The following MCM3AP variants were observed in gnomAD, a reference collection of about 807,000 sequenced individuals.
MCM3AP encodes germinal-center associated nuclear protein.
MCM3AP carries 126 observed loss-of-function variants against 184.1 expected under a neutral mutation model. That is an observed-to-expected ratio of 0.68 (90% confidence interval 0.59 to 0.79). The LOEUF (loss-of-function observed/expected upper bound fraction) is 0.79. Ranked by LOEUF, MCM3AP falls within the 30% of genes least tolerant of loss-of-function variation. The pLI is 0.00. For missense variants in MCM3AP, 2,496 were observed against 2,479.2 expected, an observed-to-expected ratio of 1.01 and a Z score of -0.14; for synonymous variants, 1,002 against 979.3, an observed-to-expected ratio of 1.02 and a Z score of -0.43.
In MCM3AP at chr21:46,237,643, C is replaced by T. The variant is rs565407790; in HGVS notation, c.5634-664G>A. Among the ~76,000 whole-genome samples, 16 of 116,514 alleles carry T rather than the reference C, an allele frequency of 1.4e-4. 6 individuals carry two copies. Among genetic ancestry groups the T allele is most frequent in the African/African-American group, 5.6e-4 (16 of 28,676 alleles). The allele number at this position is 116,514 out of a possible 152,430, so 76.4% of individuals were successfully genotyped here. A position where few individuals can be genotyped will look rare whatever the true frequency, so the allele number is the denominator to read the frequency against. Reference sequence around the variant, plus strand: ...AACTCCTGAACTCAAGTGATGTGCACACCTCAGCCTCCCAAAGTGCTGGGA... The same window carrying T: ...AACTCCTGAACTCAAGTGATGTGCATACCTCAGCCTCCCAAAGTGCTGGGA... On this transcript the variant is annotated intron_variant, in intron 26 of 27. Coordinates refer to ENST00000291688, the MANE Select transcript of MCM3AP (RefSeq NM_003906.5).
Position 46,245,093 on chromosome 21 carries a change from A to G in MCM3AP, c.4752T>C (p.Phe1584=). Residue 1584 remains phenylalanine (F), a synonymous_variant, in exon 23 of 28, where the codon TTT becomes TTC. Transcript: ENST00000291688. ...TTCTGTCATGGAAAAAGCGGCCACT[A>G]AACTCATGGCCAATCCCGTCTTCGA... ...QYVEDGIGHE[F]SGRFFHDRRE... is the part of the protein sequence containing the mutation. 2 of 1,614,262 alleles carry G rather than the reference A, an allele frequency of 1.2e-6. No individual in the cohort carries two copies. Among genetic ancestry groups the G allele is most frequent in the South Asian group, 2.2e-5 (2 of 91,084 alleles).
At position 46,258,939 on chromosome 21, in the gene MCM3AP, C is replaced by A; in HGVS notation, c.3734G>T (p.Arg1245Leu). 1 of 1,614,072 alleles carries A rather than the reference C, an allele frequency of 6.2e-7. No individual in the cohort carries two copies. The highest frequency in any genetic ancestry group is 8.5e-7 in the Non-Finnish European group (1 of 1,180,000). ...TTGCCTGTAGGAACACAGGACTCAC[C>A]GCTGTAGATACTTGCAGAAGCACTG... is the stretch of plus-strand genomic sequence containing the variant. ...ELQCFCKYLQ[R>L]WREAVTARKK... Residue 1245 changes from arginine to leucine, a missense_variant and splice_region_variant, in exon 16 of 28, where the codon CGG becomes CTG. This residue lies in a region of MCM3AP where 1,323 missense variants were observed against 1,273.4 expected (regional missense o/e 1.04). Coordinates refer to ENST00000291688, the MANE Select transcript of MCM3AP (RefSeq NM_003906.5).
chr21:46,280,366 A>T, intron 3 of MCM3AP, 131 bp downstream of exon 3: 1 of 826,700 alleles, frequency 1.2e-6, no homozygotes, highest in Non-Finnish European at 1.9e-6. Flanking sequence ...GAGAAACTGA[A>T]AAGAGGGCCA....
Position 46,284,398 on chromosome 21 carries a change from G to C in MCM3AP, c.889C>G (p.Gln297Glu). Residue 297 changes from glutamine (Q) to glutamate (E), a missense_variant, in exon 1 of 28, where the codon CAG becomes GAG. Gln to Glu is a conservative substitution (Grantham distance 29). Transcript: ENST00000291688. ...CCATGTCTCCTTGGGGAGCGATCCT[G>C]GTCCTCCTTCCTTTTCAGTCCTTTC... ...LMKGLKRKED[Q>E]DRSPRRHGHE... 1 of 1,614,116 alleles carries C rather than the reference G, an allele frequency of 6.2e-7. No individual in the cohort carries two copies. Among genetic ancestry groups the C allele is most frequent in the Non-Finnish European group, 8.5e-7 (1 of 1,180,032 alleles).
chr21:46,283,725 A>T lies in MCM3AP; in HGVS notation c.1333T>A (p.Tyr445Asn), dbSNP rs141457528. The T allele has an allele frequency of 1.9e-6, 3 of 1,613,648 alleles. No homozygotes were observed. Among genetic ancestry groups the T allele is most frequent in the African/African-American group, 2.7e-5 (2 of 74,908 alleles). Reference sequence around the variant, plus strand: ...TCCAGAATGGTCCTGTCGTTGAGGTAGTCAGGGATGTTCTTGCACTGGATG... The same window carrying T: ...TCCAGAATGGTCCTGTCGTTGAGGTTGTCAGGGATGTTCTTGCACTGGATG... ...TAIQCKNIPD[Y>N]LNDRTILENH... is the part of the protein sequence containing the mutation. Residue 445 changes from tyrosine (Y) to asparagine (N), a missense_variant, in exon 2 of 28, where the codon TAC (tyrosine) becomes AAC (asparagine). Tyr to Asn is a moderately radical substitution (Grantham distance 143, BLOSUM62 -2). Around this residue, in one of 5 missense-constraint regions of MCM3AP, gnomAD observed 800 missense variants for 717.1 expected, o/e 1.12. Transcript: ENST00000291688.
intron 26 of MCM3AP, among the ~76,000 whole-genome samples, chr21:46,239,782 A>T (rs1428046078): frequency 6.6e-6 from 1 of 152,024 alleles, no homozygotes; most frequent in Non-Finnish European, 1.5e-5. Context: ...GATGCAGAGG[A>T]GAGGTTGAGA....
chr21:46,256,763 C>A (rs761009549), intron 17 of MCM3AP, 26 bp downstream of exon 17: 70 of 1,536,082 alleles, frequency 4.6e-5, no homozygotes, highest in South Asian at 1.7e-4. Context: ...GGAGCCCTGA[C>A]GAGGCAGGCG....
At chr21:46,247,123 CTTTTTT>C (rs35214687) in intron 20 of MCM3AP, 1 of 363,132 alleles carries the variant, frequency 2.8e-6, no homozygotes, top group African/African-American at 2.1e-5. Flanking sequence ...TCCCCTCAAC[CTTTTTT>C]TTTTTTTGAG....
rs1374539857 is a variant in MCM3AP at position 46,256,815 on chromosome 21, T to G, written c.3906A>C (p.Ala1302=). The G allele has an allele frequency of 1.3e-6, 2 of 1,559,038 alleles. No homozygotes were observed. The highest frequency in any genetic ancestry group is 4.8e-5 in the East Asian group (2 of 41,920). ...LARGLLDLGH[A]GRLGISCTRL... ...TGGTGCAGGAGATGCCCAATCTCCC[T>G]GCATGGCCCAGGTCCAGGAGGCCCC... The change falls in exon 17 of 28, where the codon GCA becomes GCC. Residue 1302 remains alanine (A), a synonymous_variant. Transcript: ENST00000291688.
intron 20 of MCM3AP, among the ~76,000 whole-genome samples, chr21:46,249,410 ACTC>A (rs544157708): frequency 5.9e-4 from 89 of 152,108 alleles, no homozygotes; most frequent in Non-Finnish European, 3.4e-4. Context: ...CTGGTCTCGA[ACTC>A]CTGCACTCAA....
chr21:46,280,521 T>G lies in MCM3AP; in HGVS notation c.1498A>C (p.Ile500Leu), dbSNP rs746228634. ...CTTATTTTCTTCCTGTGCCAAAAGA[T>G]AGCCATGTCTTTATGCAAACTTTTC... ...KGKSLHKDMA[I>L]FWHRKKISPN... Residue 500 changes from isoleucine to leucine, a missense_variant, in exon 3 of 28, where the codon ATC (isoleucine) becomes CTC (leucine). This residue lies in a region of MCM3AP where 800 missense variants were observed against 717.1 expected (regional missense o/e 1.12). Transcript: ENST00000291688. 1 of 1,611,946 alleles carries G rather than the reference T, an allele frequency of 6.2e-7. No homozygotes were observed. Among genetic ancestry groups the G allele is most frequent in the South Asian group, 1.1e-5 (1 of 90,744 alleles).
chr21:46,277,460 T>G (rs2081270139), intron 5 of MCM3AP, 67 bp downstream of exon 5: 1 of 1,325,326 alleles, frequency 7.5e-7, no homozygotes, highest in Non-Finnish European at 1.0e-6. Flanking sequence ...GAGTTGCTCC[T>G]GCCCTGATGG....
At chr21:46,240,152 T>C (rs972876084) in intron 26 of MCM3AP, among the ~76,000 whole-genome samples, 1 of 152,032 alleles carries the variant, frequency 6.6e-6, no homozygotes, top group Non-Finnish European at 1.5e-5. Context: ...ATGAATGTCC[T>C]TGGGTAGGTG....
At chr21:46,264,351 T>C (rs2145674083) in intron 12 of MCM3AP, 134 bp from the exon 13 acceptor site, 1 of 612,474 alleles carries the variant, frequency 1.6e-6, no homozygotes, top group East Asian at 2.8e-5. Flanking sequence ...TCGGCTAGGC[T>C]GTTGCAGGAA....
In MCM3AP at chr21:46,251,523, G is replaced by A; in HGVS notation, c.4290+6C>T. 6.3e-7 allele frequency: 1 copy of A among 1,587,040 alleles called. No homozygotes were observed. The highest frequency in any genetic ancestry group is 8.6e-7 in the Non-Finnish European group (1 of 1,159,982). On this transcript the variant is annotated splice_donor_region_variant and intron_variant, in intron 20 of 27. Transcript: ENST00000291688. The stretch of plus-strand genomic sequence containing the variant: ...CAGAAGTAAACACAAAGTAATTATA[G>A]TTCACCTTTATACACACGTTAACAG...
At chr21:46,258,733 T>TTGTGTGTGTGTGTGTGTGTG (rs1197167264) in intron 16 of MCM3AP, among the ~76,000 whole-genome samples, 19 of 72,320 alleles carry the variant, frequency 2.6e-4, no homozygotes, top group Non-Finnish European at 4.1e-4. Context: ...TCCCCTTATA[T>TTGTGTGTGTGTGTGTGTGTG]TGTATGTGTG....
At chr21:46,246,979 C>T (rs954644821) in intron 20 of MCM3AP, 93 bp from the exon 21 acceptor site, 22 of 1,348,006 alleles carry the variant, frequency 1.6e-5, no homozygotes, top group African/African-American at 1.6e-4. Flanking sequence ...CAAAGCTCTC[C>T]GTGCACTAAA....
At chr21:46,235,479 C>T in intron 27 of MCM3AP, 53 bp from the exon 28 acceptor site, 1 of 1,494,452 alleles carries the variant, frequency 6.7e-7, no homozygotes. Context: ...TAAACCACGA[C>T]CTATCTCTGG....
Position 46,260,800 on chromosome 21 carries a change from C to T in MCM3AP, c.3574G>A (p.Glu1192Lys), listed in dbSNP as rs903698901. 7 of 1,612,854 alleles carry T rather than the reference C, an allele frequency of 4.3e-6. No homozygotes were observed. Among genetic ancestry groups the T allele is most frequent in the Middle Eastern group, 1.6e-4 (1 of 6,082 alleles). ...CACCAGCGTTTCACTTACTTCAACT[C>T]CTGGGAGCAGGTTTCCCTCACAAAC... ...MEFVRETCSQ[E>K]LKNAVETDQR... Residue 1192 changes from glutamate to lysine, a missense_variant, in exon 15 of 28, where the codon GAG becomes AAG. Glu to Lys is a moderately conservative substitution (Grantham distance 56). This residue lies in a region of MCM3AP where 1,323 missense variants were observed against 1,273.4 expected (regional missense o/e 1.04). Coordinates refer to ENST00000291688, the MANE Select transcript of MCM3AP (RefSeq NM_003906.5).
Sources: gnomAD v4.1 joint callset for allele counts (sites outside exome capture counted in the v4.1 genomes callset) on GRCh38, gnomAD v4.1.1 for gene constraint, gnomAD v4.1.1 regional missense constraint, MANE v1.5 for transcripts, NCBI Gene and HGNC (gene_info 2026-07-23, HGNC 2026-07-21) for gene names.